The following LINGO2 variants were observed in gnomAD, a reference collection of about 807,000 sequenced individuals.
LINGO2 encodes the protein leucine-rich repeat and immunoglobulin-like domain-containing nogo receptor-interacting protein 2.
LINGO2 carries 14 observed loss-of-function variants against 30.6 expected under a neutral mutation model. The ratio of observed to expected loss-of-function variants is 0.46; its 90% CI spans 0.30 to 0.72. The LOEUF (loss-of-function observed/expected upper bound fraction) is 0.72. Among genes scored for constraint, LINGO2 ranks in the 30% least tolerant of loss-of-function variants. The probability of loss-of-function intolerance (pLI) is 0.07; values close to 1 mark genes in which losing one functional copy is unlikely to be tolerated. For synonymous variants in LINGO2, 317 were observed against 288.5 expected (o/e 1.10, Z -1.00); for missense variants, 729 against 751.7 (o/e 0.97, Z 0.35).
the LINGO2 span, among the ~76,000 whole-genome samples, chr9:28,864,644 G>T: frequency 1.5e-5 from 1 of 65,104 alleles, no homozygotes; most frequent in African/African-American, 6.4e-5. Context: ...CTTTATAGAA[G>T]CTCATGAACA....
chr9:28,352,211 G>A (rs1247035702), intron 3 of LINGO2, among the ~76,000 whole-genome samples: 4 of 151,990 alleles, frequency 2.6e-5, no homozygotes, highest in Non-Finnish European at 5.9e-5. Context: ...AAGTCAAATT[G>A]TCCCTGTTTG....
intron 4 of LINGO2, among the ~76,000 whole-genome samples, chr9:28,290,556 G>A (rs1823686487): frequency 6.6e-6 from 1 of 152,144 alleles, no homozygotes; most frequent in Admixed American, 6.5e-5. Context: ...GGGTGCTACA[G>A]CTGAGGAGAT....
the LINGO2 span, among the ~76,000 whole-genome samples, chr9:28,852,090 T>C: frequency 4.9e-3 from 739 of 152,050 alleles, 8 homozygotes; most frequent in African/African-American, 0.017. Context: ...ACATCATTCC[T>C]CAAGAGCACA....
the LINGO2 span, among the ~76,000 whole-genome samples, chr9:29,167,407 A>T: frequency 6.6e-6 from 1 of 152,254 alleles, no homozygotes; most frequent in African/African-American, 2.4e-5. Context: ...ATCCTCAGAC[A>T]TTAAAGTTCT....
rs1347368631 is a variant in LINGO2 at position 28,099,141 on chromosome 9, A to T, written c.-86-86736T>A. On this transcript the variant is annotated intron_variant, in intron 4 of 5. Transcript: ENST00000379992. The stretch of plus-strand genomic sequence containing the variant: ...ACTAGTTAAATTAACATAATATCTG[A>T]AAGCTCCACAAGGTTCCTTACAGGT... Among the ~76,000 whole-genome samples, 3 of 152,228 alleles carry T rather than the reference A, an allele frequency of 2.0e-5. No individual in the cohort carries two copies. The East Asian group carries it at 5.8e-4, about 29-fold the overall frequency.
intron 1 of LINGO2, among the ~76,000 whole-genome samples, chr9:28,540,340 G>A (rs1229440535): frequency 1.3e-5 from 2 of 151,066 alleles, no homozygotes; most frequent in Non-Finnish European, 2.9e-5. Context: ...GCTCACTGCA[G>A]CTTCAACCTC....
intron 4 of LINGO2, among the ~76,000 whole-genome samples, chr9:28,283,912 T>C (rs1257085996): frequency 6.6e-6 from 1 of 152,180 alleles, no homozygotes; most frequent in African/African-American, 2.4e-5. Flanking sequence ...GAAGATTGTC[T>C]GTCTTCAGCA....
At chr9:28,760,864 T>C in the LINGO2 span, among the ~76,000 whole-genome samples, 4 of 151,536 alleles carry the variant, frequency 2.6e-5, no homozygotes, top group African/African-American at 9.7e-5. Context: ...TAGTATTCCA[T>C]CATATATATG....
At chr9:28,229,463 AGAT>A (rs1366866256) in intron 4 of LINGO2, among the ~76,000 whole-genome samples, 2 of 151,780 alleles carry the variant, frequency 1.3e-5, no homozygotes, top group Admixed American at 1.3e-4. Context: ...GCAAAGAAGA[AGAT>A]GAAGAACAAG....
At chr9:28,100,847 A>G (rs1484293374) in intron 4 of LINGO2, among the ~76,000 whole-genome samples, 2 of 152,126 alleles carry the variant, frequency 1.3e-5, no homozygotes, top group Non-Finnish European at 2.9e-5. Context: ...AGCTTTGCGT[A>G]CGATTGTGTT....
intron 3 of LINGO2, among the ~76,000 whole-genome samples, chr9:28,319,868 C>T (rs932708512): frequency 1.3e-5 from 2 of 151,926 alleles, no homozygotes; most frequent in Non-Finnish European, 2.9e-5. Context: ...AAATTACATG[C>T]AAGAAAACTG....
intron 4 of LINGO2, among the ~76,000 whole-genome samples, chr9:28,078,718 T>C (rs1334325199): frequency 1.4e-5 from 2 of 147,786 alleles, no homozygotes; most frequent in Non-Finnish European, 2.9e-5. Flanking sequence ...TGGTAGTACA[T>C]GCCTGTATAA....
chr9:28,247,107 T>C (rs1464409962), intron 4 of LINGO2, among the ~76,000 whole-genome samples: 1 of 152,160 alleles, frequency 6.6e-6, no homozygotes, highest in Non-Finnish European at 1.5e-5. Context: ...CAATTAATGA[T>C]GGCAAGGCTG....
intron 4 of LINGO2, among the ~76,000 whole-genome samples, chr9:28,064,688 A>G (rs1038918253): frequency 6.6e-6 from 1 of 152,150 alleles, no homozygotes; most frequent in South Asian, 2.1e-4. Context: ...CAAGTGAAAC[A>G]TGGCAGTTTG....
chr9:28,795,621 A>G, the LINGO2 span, among the ~76,000 whole-genome samples: 1 of 151,628 alleles, frequency 6.6e-6, no homozygotes, highest in Admixed American at 6.6e-5. Flanking sequence ...ATATTTTTAT[A>G]TAATTTAATG....
At chr9:28,873,916 G>A in the LINGO2 span, among the ~76,000 whole-genome samples, 1 of 151,592 alleles carries the variant, frequency 6.6e-6, no homozygotes. Context: ...ATATCTCTAT[G>A]CAATAAATAA....
intron 2 of LINGO2, among the ~76,000 whole-genome samples, chr9:28,473,362 T>C (rs1825602320): frequency 6.6e-6 from 1 of 151,906 alleles, no homozygotes; most frequent in South Asian, 2.1e-4. Flanking sequence ...CATTCTGTGG[T>C]CGTCTCACCT....
the LINGO2 span, among the ~76,000 whole-genome samples, chr9:29,131,733 A>G: frequency 6.6e-6 from 1 of 151,996 alleles, no homozygotes; most frequent in Non-Finnish European, 1.5e-5. Flanking sequence ...AACCCCCTAC[A>G]TGATCATGTA....
At chr9:29,102,828 CA>C in the LINGO2 span, among the ~76,000 whole-genome samples, 1 of 152,228 alleles carries the variant, frequency 6.6e-6, no homozygotes, top group African/African-American at 2.4e-5. Flanking sequence ...TTACATGTTA[CA>C]TTAAAATTCT....
Sources: gnomAD v4.1 joint callset for allele counts (sites outside exome capture counted in the v4.1 genomes callset) on GRCh38, gnomAD v4.1.1 for gene constraint, MANE v1.5 for transcripts, NCBI Gene and HGNC (gene_info 2026-07-23, HGNC 2026-07-21) for gene names.